PHKA1: variants seen among roughly 807,000 people sequenced by gnomAD.
PHKA1 encodes phosphorylase kinase regulatory subunit alpha 1, also known as phosphorylase b kinase regulatory subunit alpha, skeletal muscle isoform.
Under a neutral mutation model 110.2 loss-of-function variants are expected in PHKA1, and 60 were observed. That is an observed-to-expected ratio of 0.54 (90% CI 0.44 to 0.68). The LOEUF (loss-of-function observed/expected upper bound fraction) is 0.68. PHKA1 is among the 30% of genes least tolerant of loss of function. The pLI, the probability that PHKA1 is intolerant of heterozygous loss-of-function variation, is 0.00. For missense variants in PHKA1, 801 were observed against 942.5 expected (o/e 0.85, Z 1.97); for synonymous variants, 316 against 333.6 (o/e 0.95, Z 0.58).
At chrX:72,704,575 ATGTGTG>A (rs375102108) in intron 3 of PHKA1, among the ~76,000 whole-genome samples, 28 of 107,365 alleles carry the variant, frequency 2.6e-4, no homozygotes, top group African/African-American at 8.5e-4. Context: ...GTGTATGTGC[ATGTGTG>A]TGTGTGTGTG....
At chrX:72,620,311 G>A (rs782238119) in intron 19 of PHKA1, among the ~76,000 whole-genome samples, 5 of 111,907 alleles carry the variant, frequency 4.5e-5, no homozygotes, top group Admixed American at 9.4e-5. Flanking sequence ...AGTGGCCATG[G>A]GGAGAAGAAT....
Position 72,635,281 on chromosome X carries a change from A to G in PHKA1, c.1588T>C (p.Phe530Leu). Residue 530 changes from phenylalanine (F) to leucine (L), a missense_variant, in exon 16 of 32, where the codon TTC (phenylalanine) becomes CTC (leucine). Transcript: ENST00000373542. Reference sequence around the variant, plus strand: ...ATCTTGTTGTCCAGAGCCAGGTAGAACTGTTGCTGGTCTATAAACTGAGAC... The same window carrying G: ...ATCTTGTTGTCCAGAGCCAGGTAGAGCTGTTGCTGGTCTATAAACTGAGAC... ...FTPQFIDQQQ[F>L]YLALDNKMIV... The G allele has an allele frequency of 8.3e-7, 1 of 1,208,313 alleles. No individual in the cohort carries two copies. The highest frequency in any genetic ancestry group is 1.1e-6 in the Non-Finnish European group (1 of 892,671).
Position 72,616,202 on chromosome X carries a change from C to CA in PHKA1, c.2369+2507dup, listed in dbSNP as rs201625800. ...GCAACATGGCCAGACCCCAGCTCTG[C>CA]AAAAAAAAATTAAAAATCAGCTGGC... On this transcript the variant is annotated intron_variant, in intron 21 of 31. Transcript: ENST00000373542. Among the ~76,000 whole-genome samples, 16 of 108,503 alleles carry CA rather than the reference C, an allele frequency of 1.5e-4. No individual in the cohort carries two copies. In the South Asian group the frequency reaches 3.2e-3, roughly 22 times the overall value. The allele number at this position is 108,503 out of a possible 115,157, so 94.2% of individuals were successfully genotyped here. A position where few individuals can be genotyped will look rare whatever the true frequency, so the allele number is the denominator to read the frequency against.
intron 8 of PHKA1, chrX:72,660,445 A>G (rs1486530415): frequency 4.3e-6 from 1 of 234,402 alleles, no homozygotes; most frequent in African/African-American, 2.9e-5. Flanking sequence ...AAATGCATCT[A>G]AGAATCAACA....
At chrX:72,710,858 A>AT (rs2054366799) in intron 2 of PHKA1, among the ~76,000 whole-genome samples, 1 of 88,975 alleles carries the variant, frequency 1.1e-5, no homozygotes, top group Admixed American at 1.3e-4. Flanking sequence ...TTTTATTTTT[A>AT]TTTTTATTTT....
chrX:72,587,918 C>T (rs1222751755), intron 29 of PHKA1, among the ~76,000 whole-genome samples: 1 of 111,891 alleles, frequency 8.9e-6, no homozygotes, highest in Non-Finnish European at 1.9e-5. Flanking sequence ...TACAGGAGCA[C>T]TCAGATTCAT....
chrX:72,674,954 C>G (rs2053759126), intron 6 of PHKA1, among the ~76,000 whole-genome samples: 1 of 107,969 alleles, frequency 9.3e-6, no homozygotes, highest in African/African-American at 3.4e-5. Flanking sequence ...GAGGCCAAGG[C>G]AGATGGATCA....
chrX:72,696,478 T>C (rs1907850123), intron 3 of PHKA1, among the ~76,000 whole-genome samples: 1 of 111,338 alleles, frequency 9.0e-6, no homozygotes, highest in Admixed American at 9.5e-5. Flanking sequence ...GACAGATGCA[T>C]ATTCTGATTG....
At chrX:72,698,378 A>T (rs1191897760) in intron 3 of PHKA1, among the ~76,000 whole-genome samples, 3 of 112,650 alleles carry the variant, frequency 2.7e-5, no homozygotes, top group African/African-American at 9.7e-5. Context: ...TTTGAAGTTT[A>T]TGTAACTTAA....
At chrX:72,619,617 T>C (rs146199965) in intron 19 of PHKA1, among the ~76,000 whole-genome samples, 134 of 112,308 alleles carry the variant, frequency 1.2e-3, no homozygotes, top group Middle Eastern at 4.6e-3. Flanking sequence ...GAATACGACA[T>C]ATAATAGAAA....
At chrX:72,712,374 AC>A in intron 2 of PHKA1, 1 of 180,651 alleles carries the variant, frequency 5.5e-6, no homozygotes, top group East Asian at 1.4e-4. Context: ...CATGTCATTT[AC>A]CCTCATACAA....
chrX:72,662,370 C>A (rs1231562811), intron 8 of PHKA1, among the ~76,000 whole-genome samples: 1 of 111,735 alleles, frequency 8.9e-6, no homozygotes, highest in Non-Finnish European at 1.9e-5. Flanking sequence ...GGCTGCAGTG[C>A]CATGACCTCA....
At position 72,654,369 on chromosome X, in the gene PHKA1, C is replaced by G. The variant is rs190015719; in HGVS notation, c.1042-839G>C. ...CAAGCTGCAATCCTCTGATGGCCACCCTGGATATGCAACCACATGCCTTGC... is the reference window on the plus strand; with the variant it reads ...CAAGCTGCAATCCTCTGATGGCCACGCTGGATATGCAACCACATGCCTTGC... On this transcript the variant is annotated intron_variant, in intron 10 of 31. Transcript: ENST00000373542. Among the ~76,000 whole-genome samples, 19 of 112,261 alleles carry G rather than the reference C, an allele frequency of 1.7e-4. No homozygotes were observed. In the Admixed American group the frequency reaches 1.7e-3, roughly 10 times the overall value.
rs1358276680 is a variant in PHKA1, at chrX:72,714,240, C to T, written c.-360G>A. The T allele has an allele frequency of 5.7e-6, 1 of 176,771 alleles. No homozygotes were observed. Among genetic ancestry groups the T allele is most frequent in the East Asian group, 1.5e-4 (1 of 6,651 alleles). 14.6% of individuals were successfully genotyped at this position (176,771 alleles called of 1,213,427 possible). On this transcript the variant is annotated 5_prime_UTR_variant, in exon 1 of 32. Transcript: ENST00000373542. ...CCGCCGCGGCCCACAGCCTCCCGCC[C>T]GGCCGCCGCCAACAGGTCAACGACC...
chrX:72,676,110 C>T lies in PHKA1; in HGVS notation c.578G>A (p.Gly193Glu). 2 of 1,210,161 alleles carry T rather than the reference C, an allele frequency of 1.7e-6. No individual in the cohort carries two copies. The highest frequency in any genetic ancestry group is 2.2e-6 in the Non-Finnish European group (2 of 894,514). The change falls in exon 6 of 32, where the codon GGG (glycine) becomes GAG (glutamate). Residue 193 changes from glycine to glutamate, a missense_variant. Gly to Glu is a moderately conservative substitution (Grantham distance 98). Coordinates refer to ENST00000373542, the MANE Select transcript of PHKA1 (RefSeq NM_002637.4). Reference protein sequence around the residue: ...IWERGDKTNQGISELNASSVG... With the variant: ...IWERGDKTNQEISELNASSVG... Reference sequence around the variant, plus strand: ...TGAACTGGCATTCAACTCTGAGATCCCTTGGTTGGTCTTGTCTCCACGTTC... The same window carrying T: ...TGAACTGGCATTCAACTCTGAGATCTCTTGGTTGGTCTTGTCTCCACGTTC...
intron 18 of PHKA1, among the ~76,000 whole-genome samples, chrX:72,621,141 C>T (rs1345778336): frequency 9.0e-6 from 1 of 111,277 alleles, no homozygotes; most frequent in East Asian, 2.8e-4. Context: ...GAGACAAGGT[C>T]AGGGTTCTTG....
intron 17 of PHKA1, among the ~76,000 whole-genome samples, chrX:72,624,392 T>G (rs1193777174): frequency 9.0e-6 from 1 of 111,312 alleles, no homozygotes; most frequent in African/African-American, 3.3e-5. Flanking sequence ...ACCACCTCCC[T>G]AAGGGACAGC....
At chrX:72,629,921 A>G (rs782166271) in intron 16 of PHKA1, among the ~76,000 whole-genome samples, 36 of 112,033 alleles carry the variant, frequency 3.2e-4, no homozygotes, top group African/African-American at 1.2e-3. Context: ...CTTATCTCCC[A>G]TTAAGGTCCT....
At chrX:72,640,552 A>T (rs915959560) in intron 14 of PHKA1, among the ~76,000 whole-genome samples, 4 of 112,240 alleles carry the variant, frequency 3.6e-5, no homozygotes, top group African/African-American at 1.3e-4. Context: ...TCATTTTTCT[A>T]AAAACATGTT....
Sources: allele counts gnomAD v4.1 joint callset (sites outside exome capture counted in the v4.1 genomes callset), GRCh38; gene constraint gnomAD v4.1.1; transcripts MANE v1.5; gene names NCBI Gene and HGNC (gene_info 2026-07-23, HGNC 2026-07-21).